Variants in STAG1 observed in about 807,000 individuals in gnomAD.
The protein encoded by STAG1 is cohesin subunit SA-1.
In STAG1, 26 loss-of-function variants were observed where a neutral mutation model predicts 170.9. The ratio of observed to expected loss-of-function variants is 0.15; its 90% CI spans 0.11 to 0.21. STAG1 has a LOEUF of 0.21. STAG1 is among the 10% of genes least tolerant of loss of function. STAG1 has a pLI of 1.00. For missense variants in STAG1, 964 were observed against 1,509.5 expected, an observed-to-expected ratio of 0.64 and a Z score of 5.99; for synonymous variants, 514 against 497.7, an observed-to-expected ratio of 1.03 and a Z score of -0.44.
intron 6 of STAG1, among the ~76,000 whole-genome samples, chr3:136,528,603 A>G (rs1559861397): frequency 6.6e-6 from 1 of 150,982 alleles, no homozygotes; most frequent in South Asian, 2.1e-4. Context: ...CAGAGGAGTC[A>G]GCAAAACAAT....
intron 1 of STAG1, among the ~76,000 whole-genome samples, chr3:136,732,600 C>T (rs567114728): frequency 3.9e-5 from 6 of 152,150 alleles, no homozygotes; most frequent in Admixed American, 1.3e-4. Context: ...ATCATCTGAC[C>T]ATTCTCATTA....
At chr3:136,414,100 G>A (rs1007977641) in intron 21 of STAG1, among the ~76,000 whole-genome samples, 1 of 152,214 alleles carries the variant, frequency 6.6e-6, no homozygotes, top group Non-Finnish European at 1.5e-5. Context: ...TGCTTGAAAT[G>A]TTGATGGCTG....
chr3:136,398,821 C>T lies in STAG1; in HGVS notation c.2205G>A (p.Val735=), dbSNP rs2087240013. ...EHGAMPEQIV[V]QALQCSHYSI... ...AATAATGGGAACACTGCAGTGCTTG[C>T]ACGACTATCTGTATCAAATGAAAAA... Residue 735 remains valine (V), a synonymous_variant, in exon 22 of 34, where the codon GTG becomes GTA. Coordinates refer to ENST00000383202, the MANE Select transcript of STAG1 (RefSeq NM_005862.3). The T allele has an allele frequency of 8.3e-6, 13 of 1,571,748 alleles. No homozygotes were observed. Among genetic ancestry groups the T allele is most frequent in the East Asian group, 4.7e-5 (2 of 42,824 alleles).
chr3:136,604,363 T>C lies in STAG1; in HGVS notation c.243A>G (p.Glu81=), dbSNP rs1938831300. 1.2e-6 allele frequency: 2 copies of C among 1,613,636 alleles called. No homozygotes were observed. Among genetic ancestry groups the C allele is most frequent in the East Asian group, 2.2e-5 (1 of 44,850 alleles). Reference sequence around the variant, plus strand: ...CCTCAAATAATGTGACAGGCTCCCCTTCCCCATTCTGTTGAGGGTGTCCAT... The same window carrying C: ...CCTCAAATAATGTGACAGGCTCCCCCTCCCCATTCTGTTGAGGGTGTCCAT... ...RANGHPQQNG[E]GEPVTLFEVV... is the part of the protein sequence containing the mutation. The change falls in exon 4 of 34, where the codon GAA becomes GAG. Residue 81 remains glutamate (E), a synonymous_variant. Transcript: ENST00000383202.
rs1935891248 is a variant in STAG1 at position 136,339,838 on chromosome 3, CAT to C, written c.3672+651_3672+652del. ...CCTATGGTTAAGTCCATATCTCAAA[CAT>C]GTCTTCTCATACTGAACAAAGAAGT... is the stretch of plus-strand genomic sequence containing the variant. On this transcript the variant is annotated intron_variant, in intron 32 of 33. Coordinates refer to ENST00000383202, the MANE Select transcript of STAG1 (RefSeq NM_005862.3). Among the ~76,000 whole-genome samples the C allele has an allele frequency of 2.0e-5, 3 of 152,130 alleles. 1 individual carries two copies. The South Asian group carries it at 6.2e-4, about 32-fold the overall frequency.
intron 16 of STAG1, 59 bp from the exon 17 acceptor site, chr3:136,423,103 T>TA (rs2088007024): frequency 8.8e-7 from 1 of 1,135,864 alleles, no homozygotes; most frequent in African/African-American, 1.6e-5. Context: ...TCCAAACTGT[T>TA]ACATATATTG....
intron 15 of STAG1, 59 bp downstream of exon 15, chr3:136,443,228 C>T: frequency 8.3e-7 from 1 of 1,200,198 alleles, no homozygotes; most frequent in Non-Finnish European, 1.2e-6. Flanking sequence ...CTATATACAA[C>T]TGTATTGCTA....
chr3:136,373,429 A>C (rs1286752612), intron 23 of STAG1, among the ~76,000 whole-genome samples: 2 of 151,928 alleles, frequency 1.3e-5, no homozygotes, highest in East Asian at 1.9e-4. Flanking sequence ...TAGTTCTTTT[A>C]ATTGTGATGT....
intron 1 of STAG1, among the ~76,000 whole-genome samples, chr3:136,721,995 A>C (rs1933305511): frequency 6.6e-6 from 1 of 151,898 alleles, no homozygotes; most frequent in Non-Finnish European, 1.5e-5. Context: ...GCCAAGAAGG[A>C]CAGATCGCTT....
At chr3:136,625,082 C>T (rs986847677) in intron 2 of STAG1, among the ~76,000 whole-genome samples, 1 of 152,186 alleles carries the variant, frequency 6.6e-6, no homozygotes, top group Non-Finnish European at 1.5e-5. Context: ...TACAAGCTGG[C>T]TTCAACACAG....
intron 4 of STAG1, among the ~76,000 whole-genome samples, chr3:136,595,871 T>A (rs1261818300): frequency 6.6e-6 from 1 of 152,012 alleles, no homozygotes; most frequent in African/African-American, 2.4e-5. Flanking sequence ...AACAAGTAAT[T>A]TTCTTTCTAA....
intron 22 of STAG1, among the ~76,000 whole-genome samples, chr3:136,380,264 C>T (rs539742474): frequency 5.4e-5 from 8 of 149,450 alleles, no homozygotes; most frequent in South Asian, 4.2e-4. Context: ...TTTTTTGAGA[C>T]GGAGTCTCAC....
chr3:136,515,760 A>C (rs918511199), intron 7 of STAG1, among the ~76,000 whole-genome samples: 3 of 152,218 alleles, frequency 2.0e-5, no homozygotes, highest in African/African-American at 7.2e-5. Flanking sequence ...ATACAGATTC[A>C]AAAAAGTAAT....
At chr3:136,667,624 T>C (rs759592009) in intron 1 of STAG1, among the ~76,000 whole-genome samples, 7 of 152,090 alleles carry the variant, frequency 4.6e-5, no homozygotes, top group Non-Finnish European at 8.8e-5. Flanking sequence ...AGCCTCCCAG[T>C]AGCTGGAGTT....
intron 22 of STAG1, among the ~76,000 whole-genome samples, chr3:136,386,125 C>T (rs1309027753): frequency 6.6e-6 from 1 of 152,122 alleles, no homozygotes; most frequent in Non-Finnish European, 1.5e-5. Flanking sequence ...ATCACAAGGT[C>T]AGGAGTTTGA....
At chr3:136,433,305 A>T (rs947248593) in intron 16 of STAG1, among the ~76,000 whole-genome samples, 16 of 151,138 alleles carry the variant, frequency 1.1e-4, no homozygotes, top group African/African-American at 2.7e-4. Flanking sequence ...AAATCCTTAA[A>T]ATATATATAT....
At chr3:136,564,073 A>G (rs1936960572) in intron 5 of STAG1, among the ~76,000 whole-genome samples, 1 of 151,946 alleles carries the variant, frequency 6.6e-6, no homozygotes, top group Non-Finnish European at 1.5e-5. Context: ...CATCTTCCTC[A>G]TTCTTTTTTA....
At chr3:136,398,589 T>C (rs576656160) in intron 22 of STAG1, among the ~76,000 whole-genome samples, 160 bp downstream of exon 22, 56 of 152,210 alleles carry the variant, frequency 3.7e-4, no homozygotes, top group African/African-American at 1.2e-3. Flanking sequence ...AAATGTATAC[T>C]TACTCATAAG....
At chr3:136,399,389 T>C (rs1035900342) in intron 21 of STAG1, among the ~76,000 whole-genome samples, 1 of 152,186 alleles carries the variant, frequency 6.6e-6, no homozygotes, top group African/African-American at 2.4e-5. Flanking sequence ...GCAACAGTTA[T>C]TATGGATTAT....
Sources: allele counts gnomAD v4.1 joint callset (sites outside exome capture counted in the v4.1 genomes callset), GRCh38; gene constraint gnomAD v4.1.1; transcripts MANE v1.5; gene names NCBI Gene and HGNC (gene_info 2026-07-23, HGNC 2026-07-21).